TASOR2: variants seen among roughly 807,000 people sequenced by gnomAD.
TASOR2 encodes the protein protein TASOR 2.
In TASOR2, 84 loss-of-function variants were observed where a neutral mutation model predicts 199.5. The observed-to-expected ratio is 0.42, with a 90% CI of 0.35 to 0.50. TASOR2 has a LOEUF of 0.50. Among genes scored for constraint, TASOR2 ranks in the 20% least tolerant of loss-of-function variants. The pLI is 0.02. For missense variants in TASOR2, 2,796 were observed against 2,835.9 expected (o/e 0.99, Z 0.32); for synonymous variants, 1,103 against 1,046.6 (o/e 1.05, Z -1.04).
rs756642340 is a variant in TASOR2 at position 5,720,785 on chromosome 10, GTTCATTGA to G, written c.46+15_46+22del. 2 of 1,607,696 alleles carry G rather than the reference GTTCATTGA, an allele frequency of 1.2e-6. No individual in the cohort carries two copies. Among genetic ancestry groups the G allele is most frequent in the South Asian group, 2.2e-5 (2 of 89,202 alleles). On this transcript the variant is annotated intron_variant, in intron 5 of 20. Transcript: ENST00000328090. The surrounding 1 kb of genome is among the most constrained non-coding windows in gnomAD (Gnocchi z 5.3). The stretch of plus-strand genomic sequence containing the variant: ...AACGCAGTGAAAATGGTAAGAAATA[GTTCATTGA>G]TTCTTTTAGGTTTTTTTTTTCTTGA...
exon 15 of TASOR2, chr10:5,747,658 G>A: frequency 2.5e-6 from 4 of 1,614,166 alleles, no homozygotes; most frequent in Non-Finnish European, 3.4e-6. Context: ...ACCAGTTAAA[G>A]AGACACGACC....
At chr10:5,712,319 A>C in intron 1 of TASOR2, 2 of 1,048,408 alleles carry the variant, frequency 1.9e-6, no homozygotes, top group Non-Finnish European at 2.4e-6. Context: ...GTTTTGAGTG[A>C]TATTCAGTGT....
In TASOR2 at chr10:5,752,741, T is replaced by G. The variant is rs1404762647; in HGVS notation, c.6606+2714T>G. Among the ~76,000 whole-genome samples, 1 of 152,206 alleles carries G rather than the reference T, an allele frequency of 6.6e-6. No homozygotes were observed. The highest frequency in any genetic ancestry group is 2.4e-5 in the African/African-American group (1 of 41,446). Reference sequence around the variant, plus strand: ...CTTGGTCTGCCCTGCTCTTCTCATATGGAGGTGTGTAGCTGGCAAACACCA... The same window carrying G: ...CTTGGTCTGCCCTGCTCTTCTCATAGGGAGGTGTGTAGCTGGCAAACACCA... On this transcript the variant is annotated intron_variant, in intron 15 of 20. Coordinates refer to ENST00000328090, the Ensembl canonical transcript of TASOR2. This position sits in a 1 kb window ranked among gnomAD's most constrained non-coding sequence, Gnocchi z 4.4.
At position 5,708,630 on chromosome 10, in the gene TASOR2, TCCTC is replaced by T. The variant is rs1354396723; in HGVS notation, c.-287-4189_-287-4186del. On this transcript the variant is annotated intron_variant, in intron 1 of 20. Transcript: ENST00000328090. Reference sequence around the variant, plus strand: ...TTCCTCCCTCCCTCCCTCCCTCCCTTCCTCCCTTCCTTCCTTCCTTCCTTCCTTT... The same window carrying T: ...TTCCTCCCTCCCTCCCTCCCTCCCTTCCTTCCTTCCTTCCTTCCTTCCTTT... 5.4e-4 allele frequency among the ~76,000 whole-genome samples: 63 copies of T among 116,286 alleles called. 2 individuals are homozygous for T. Among genetic ancestry groups the T allele is most frequent in the Non-Finnish European group, 7.0e-4 (42 of 59,608 alleles). 76.3% of individuals were successfully genotyped at this position (116,286 alleles called of 152,430 possible).
chr10:5,739,784 C>G, exon 13 of TASOR2: 1 of 1,614,120 alleles, frequency 6.2e-7, no homozygotes, highest in South Asian at 1.1e-5. Flanking sequence ...ATATGTTAGC[C>G]GATCTAGCAT....
chr10:5,699,115 A>G lies in TASOR2; in HGVS notation c.-287-13708A>G, dbSNP rs1448075005. ...AGTTGATGGATAAACAAAATGTAGT[A>G]TATCCACAAAGTGGAATATTATTTG... On this transcript the variant is annotated intron_variant, in intron 1 of 20. Transcript: ENST00000328090. The surrounding 1 kb of genome is among the most constrained non-coding windows in gnomAD (Gnocchi z 4.1). Among the ~76,000 whole-genome samples, 5 of 152,236 alleles carry G rather than the reference A, an allele frequency of 3.3e-5. No homozygotes were observed. The highest frequency in any genetic ancestry group is 4.4e-5 in the Non-Finnish European group (3 of 68,034).
Position 5,720,720 on chromosome 10 carries a change from T to C in TASOR2, c.27-35T>C, listed in dbSNP as rs1260456184. On this transcript the variant is annotated intron_variant, in intron 4 of 20. Coordinates refer to ENST00000328090, the Ensembl canonical transcript of TASOR2. This position sits in a 1 kb window ranked among gnomAD's most constrained non-coding sequence, Gnocchi z 5.3. ...TTACTGAATTTGTTCCTTTTACTCT[T>C]GTAAACATGTTCTTTTTCTTTCTTT... is the stretch of plus-strand genomic sequence containing the variant. 1.2e-6 allele frequency: 2 copies of C among 1,613,840 alleles called. No homozygotes were observed. The highest frequency in any genetic ancestry group is 2.7e-5 in the African/African-American group (2 of 74,944).
At position 5,750,349 on chromosome 10, in the gene TASOR2, TTG is replaced by T. The variant is rs1837854615; in HGVS notation, c.6606+324_6606+325del. On this transcript the variant is annotated intron_variant, in intron 15 of 20. Transcript: ENST00000328090. The surrounding 1 kb of genome is among the most constrained non-coding windows in gnomAD (Gnocchi z 5.4). ...AAAATACAGATTTTTTGAAAAGTGG[TTG>T]TAGATTGTCCGTTAGTGTGGGTGGT... Among the ~76,000 whole-genome samples, 1 of 152,178 alleles carries T rather than the reference TTG, an allele frequency of 6.6e-6. No individual in the cohort carries two copies. The highest frequency in any genetic ancestry group is 1.5e-5 in the Non-Finnish European group (1 of 68,026).
At chr10:5,760,047 G>A (rs1045956095) in intron 18 of TASOR2, among the ~76,000 whole-genome samples, 4 of 152,178 alleles carry the variant, frequency 2.6e-5, no homozygotes, top group Non-Finnish European at 5.9e-5. Context: ...GTCACTTAAC[G>A]ACGGGGATAC....
chr10:5,735,167 C>A (rs1175747015), intron 11 of TASOR2, 137 bp from the exon 13 acceptor site: 6 of 1,004,306 alleles, frequency 6.0e-6, no homozygotes, highest in Non-Finnish European at 8.6e-6. Flanking sequence ...AATTAAATAC[C>A]TGAAACTTCA....
chr10:5,746,317 G>A (rs1464767029), exon 15 of TASOR2: 1 of 1,614,090 alleles, frequency 6.2e-7, no homozygotes, highest in Non-Finnish European at 8.5e-7. Flanking sequence ...CACAAGAGTG[G>A]CTTCTTACAG....
rs1833497556 is a variant in TASOR2, at chr10:5,722,479, CT to C, written c.147-1197del. Among the ~76,000 whole-genome samples, 1 of 151,648 alleles carries C rather than the reference CT, an allele frequency of 6.6e-6. No homozygotes were observed. The highest frequency in any genetic ancestry group is 2.4e-5 in the African/African-American group (1 of 41,274). ...TCAAAAAAAGAAAAGAAAAAATTTCCTGTTTAAAGGAATCACACAGAGAGGT... is the reference window on the plus strand; with the variant it reads ...TCAAAAAAAGAAAAGAAAAAATTTCCGTTTAAAGGAATCACACAGAGAGGT... On this transcript the variant is annotated intron_variant, in intron 6 of 20. Transcript: ENST00000328090. The surrounding 1 kb of genome is among the most constrained non-coding windows in gnomAD (Gnocchi z 4.0).
intron 1 of TASOR2, 175 bp from the exon 2 acceptor site, chr10:5,712,648 G>A (rs2244755): frequency 0.64 from 608,222 of 956,672 alleles, 195,093 homozygotes; most frequent in African/African-American, 0.8. Flanking sequence ...TTTTTCAGAC[G>A]CAGCAGATCC....
rs55766705 is a variant in TASOR2 at position 5,707,654 on chromosome 10, TTCTC to T, written c.-287-5153_-287-5150del. 2.6e-3 allele frequency among the ~76,000 whole-genome samples: 350 copies of T among 135,634 alleles called. 2 individuals carry two copies. The highest frequency in any genetic ancestry group is 8.8e-3 in the African/African-American group (314 of 35,766). The allele number at this position is 135,634 out of a possible 152,430, so 89.0% of individuals were successfully genotyped here. A position where few individuals can be genotyped will look rare whatever the true frequency, so the allele number is the denominator to read the frequency against. On this transcript the variant is annotated intron_variant, in intron 1 of 20. Transcript: ENST00000328090. ...AGAGTAATTAAGATTCTCATTCTCT[TTCTC>T]TCTCTCTCTCTCTCTGTCTCCCCCC...
chr10:5,715,650 T>C (rs913168901), intron 2 of TASOR2, among the ~76,000 whole-genome samples: 2 of 152,226 alleles, frequency 1.3e-5, no homozygotes, highest in Middle Eastern at 3.4e-3. Context: ...TTGGTTTTTT[T>C]TTTGGTGGCG....
Position 5,756,675 on chromosome 10 carries a change from CAG to C in TASOR2, c.6675_6676del (p.Asn2226Ter). 6.2e-7 allele frequency: 1 copy of C among 1,613,484 alleles called. No individual in the cohort carries two copies. The highest frequency in any genetic ancestry group is 8.5e-7 in the Non-Finnish European group (1 of 1,179,778). On this transcript the variant is annotated frameshift_variant, in exon 16 of 21. Coordinates refer to ENST00000328090, the Ensembl canonical transcript of TASOR2. LOFTEE classifies it high-confidence loss of function. Reference sequence around the variant, plus strand: ...CTCAGCACTTCTGTCAAGCTTTCCACAGAGAGAATGATACACTAATCATCATC... The same window carrying C: ...CTCAGCACTTCTGTCAAGCTTTCCACAGAGAATGATACACTAATCATCATC...
intron 14 of TASOR2, among the ~76,000 whole-genome samples, chr10:5,745,655 C>T (rs545242830): frequency 6.6e-6 from 1 of 152,084 alleles, no homozygotes; most frequent in South Asian, 2.1e-4. Flanking sequence ...TGGCATGTAC[C>T]TGTAATCCCA....
intron 1 of TASOR2, chr10:5,709,638 C>T (rs1831659018): frequency 1.6e-6 from 2 of 1,230,864 alleles, no homozygotes; most frequent in South Asian, 4.1e-5. Context: ...TAGAGAAGAT[C>T]GAGACAGGGT....
At chr10:5,739,587 ATCTC>A in intron 12 of TASOR2, 27 bp from the exon 14 acceptor site, 1 of 1,579,838 alleles carries the variant, frequency 6.3e-7, no homozygotes, top group Non-Finnish European at 8.6e-7. Flanking sequence ...ACAAGCAAAC[ATCTC>A]TCTTTTTTTT....
Sources: allele counts gnomAD v4.1 joint callset (sites outside exome capture counted in the v4.1 genomes callset), GRCh38; gene constraint gnomAD v4.1.1; non-coding constraint Gnocchi (gnomAD v3.1); transcripts MANE v1.5; gene names NCBI Gene and HGNC (gene_info 2026-07-23, HGNC 2026-07-21).